The following OSBPL10 variants were observed in gnomAD, a reference collection of about 807,000 sequenced individuals.
OSBPL10 encodes the protein oxysterol-binding protein-related protein 10.
In OSBPL10, 49 loss-of-function variants were observed where a neutral mutation model predicts 81.7. The ratio of observed to expected loss-of-function variants is 0.60; its 90% CI spans 0.48 to 0.76. OSBPL10 has a LOEUF of 0.76. Among genes scored for constraint, OSBPL10 ranks in the 30% least tolerant of loss-of-function variants. OSBPL10 has a pLI of 0.00. For synonymous variants in OSBPL10, 419 were observed against 383.6 expected (o/e 1.09, Z -1.08); for missense variants, 923 against 987.8 (o/e 0.93, Z 0.88).
intron 6 of OSBPL10, among the ~76,000 whole-genome samples, chr3:31,708,471 T>C (rs150460772): frequency 1.3e-5 from 2 of 152,278 alleles, no homozygotes; most frequent in East Asian, 3.9e-4. Flanking sequence ...CATCTGAAGA[T>C]CCAGTCCGAC....
intron 1 of OSBPL10, among the ~76,000 whole-genome samples, chr3:31,951,892 A>C: frequency 6.6e-6 from 1 of 152,168 alleles, no homozygotes; most frequent in East Asian, 1.9e-4. Flanking sequence ...CTATACTCTT[A>C]AGATTTCCAC....
Position 31,867,868 on chromosome 3 carries a change from G to A in OSBPL10, c.537+8565C>T, listed in dbSNP as rs1402870150. 2.6e-5 allele frequency among the ~76,000 whole-genome samples: 4 copies of A among 152,242 alleles called. No homozygotes were observed. The South Asian group carries it at 8.3e-4, about 32-fold the overall frequency. On this transcript the variant is annotated intron_variant, in intron 3 of 11. Coordinates refer to ENST00000396556, the MANE Select transcript of OSBPL10 (RefSeq NM_017784.5). ...TGACTGGAAGGAAGATAAAACACAAGAGAGATCCCAGAAATGTTCTAAGAA... is the reference window on the plus strand; with the variant it reads ...TGACTGGAAGGAAGATAAAACACAAAAGAGATCCCAGAAATGTTCTAAGAA...
intron 4 of OSBPL10, chr3:31,794,965 T>G: frequency 3.1e-6 from 1 of 320,960 alleles, no homozygotes; most frequent in Admixed American, 3.6e-5. Flanking sequence ...AGTCCATGTG[T>G]CACAGGAGCC....
At chr3:31,781,358 C>T (rs1164179372) in intron 4 of OSBPL10, among the ~76,000 whole-genome samples, 1 of 152,124 alleles carries the variant, frequency 6.6e-6, no homozygotes, top group African/African-American at 2.4e-5. Flanking sequence ...CAACATTACA[C>T]TAAAATGGGG....
At chr3:31,752,337 G>C in intron 4 of OSBPL10, among the ~76,000 whole-genome samples, 1 of 152,124 alleles carries the variant, frequency 6.6e-6, no homozygotes, top group East Asian at 1.9e-4. Context: ...ATTTCTTTCT[G>C]GAATTTAGCT....
chr3:32,075,046 T>A (rs1699862627), intron 1 of OSBPL10, among the ~76,000 whole-genome samples: 1 of 150,122 alleles, frequency 6.7e-6, no homozygotes, highest in Admixed American at 6.6e-5. Context: ...CCTTTACTTG[T>A]GGGTCTACGA....
At chr3:31,783,805 AAAAAAAAAAAAAAAAAAAATATAT>A (rs1698775237) in intron 4 of OSBPL10, among the ~76,000 whole-genome samples, 3 of 70,308 alleles carry the variant, frequency 4.3e-5, no homozygotes, top group Non-Finnish European at 8.1e-5. Flanking sequence ...AAAAAAAAAA[AAAAAAAAAAAAAAAAAAAATATAT>A]ATATATATAT....
At chr3:31,993,888 CTA>C (rs1699062000) in intron 2 of OSBPL10, among the ~76,000 whole-genome samples, 1 of 151,966 alleles carries the variant, frequency 6.6e-6, no homozygotes, top group East Asian at 1.9e-4. Flanking sequence ...TAATGAAAAC[CTA>C]TGTTTGTACA....
intron 2 of OSBPL10, among the ~76,000 whole-genome samples, chr3:32,043,898 T>C (rs1687035925): frequency 1.5e-5 from 1 of 66,454 alleles, no homozygotes; most frequent in Non-Finnish European, 4.2e-5. Flanking sequence ...CAATAGACAC[T>C]GGGGACTATT....
chr3:31,831,738 A>T (rs999312497), intron 3 of OSBPL10, among the ~76,000 whole-genome samples: 3 of 152,248 alleles, frequency 2.0e-5, no homozygotes, highest in African/African-American at 7.2e-5. Context: ...GTCTGAGTAC[A>T]CAATCTGTCA....
At chr3:31,910,362 C>T (rs1004520309) in intron 1 of OSBPL10, among the ~76,000 whole-genome samples, 3 of 151,410 alleles carry the variant, frequency 2.0e-5, no homozygotes, top group South Asian at 2.1e-4. Flanking sequence ...GGGCCGGGCG[C>T]GGTGGCTCAC....
At chr3:31,670,011 A>T (rs1700284551) in intron 9 of OSBPL10, among the ~76,000 whole-genome samples, 2 of 152,322 alleles carry the variant, frequency 1.3e-5, no homozygotes, top group African/African-American at 4.8e-5. Flanking sequence ...GATCTGTACC[A>T]TTTGCCAATT....
chr3:32,005,063 T>C (rs1699191076), intron 2 of OSBPL10, among the ~76,000 whole-genome samples: 1 of 152,104 alleles, frequency 6.6e-6, no homozygotes, highest in Non-Finnish European at 1.5e-5. Flanking sequence ...ACTCAACACT[T>C]TTTTTTATTA....
At chr3:31,990,825 A>G in intron 2 of OSBPL10, 1 of 1,596,212 alleles carries the variant, frequency 6.3e-7, no homozygotes, top group Non-Finnish European at 8.5e-7. Context: ...CATCTTATGC[A>G]AAACAAAGGA....
At chr3:31,934,410 C>CTT (rs11456297) in intron 1 of OSBPL10, among the ~76,000 whole-genome samples, 32,228 of 141,618 alleles carry the variant, frequency 0.23, 4,133 homozygotes, top group Non-Finnish European at 0.3. Flanking sequence ...AAAATTCATT[C>CTT]TTTTTTTTTT....
chr3:31,722,122 C>T (rs1696663825), intron 6 of OSBPL10, among the ~76,000 whole-genome samples: 1 of 152,228 alleles, frequency 6.6e-6, no homozygotes, highest in East Asian at 1.9e-4. Context: ...ACTGCCACCC[C>T]CTCAAAATAC....
At chr3:31,826,637 G>GATA (rs1255848475) in intron 4 of OSBPL10, among the ~76,000 whole-genome samples, 1 of 152,116 alleles carries the variant, frequency 6.6e-6, no homozygotes, top group Non-Finnish European at 1.5e-5. Context: ...TATCTTCCCT[G>GATA]AACAGCTGGG....
rs1314668590 is a variant in OSBPL10 at position 31,759,878 on chromosome 3, G to A, written c.730-11758C>T. ...GGGTTCAAGTAATTCTCGTGCCTCA[G>A]CCTCCTGAGTAGCTGGAATTACAGG... On this transcript the variant is annotated intron_variant, in intron 4 of 11. Coordinates refer to ENST00000396556, the MANE Select transcript of OSBPL10 (RefSeq NM_017784.5). Among the ~76,000 whole-genome samples the A allele has an allele frequency of 2.0e-5, 3 of 151,986 alleles. No homozygotes were observed. In the East Asian group the frequency reaches 5.8e-4, roughly 29 times the overall value.
intron 7 of OSBPL10, among the ~76,000 whole-genome samples, chr3:31,690,639 C>A (rs573506143): frequency 6.6e-6 from 1 of 152,170 alleles, no homozygotes; most frequent in Admixed American, 6.5e-5. Flanking sequence ...TCAAGTCCAA[C>A]CTACTAGGTA....
Sources: allele counts gnomAD v4.1 joint callset (sites outside exome capture counted in the v4.1 genomes callset), GRCh38; gene constraint gnomAD v4.1.1; transcripts MANE v1.5; gene names NCBI Gene and HGNC (gene_info 2026-07-23, HGNC 2026-07-21).